Variants in SHOX observed in about 807,000 individuals in gnomAD.
The protein encoded by SHOX is short stature homeobox protein.
Under a neutral mutation model 29.6 loss-of-function variants are expected in SHOX, and 12 were observed. The ratio of observed to expected loss-of-function variants is 0.41; its 90% CI spans 0.26 to 0.66. The LOEUF is 0.66. Ranked by LOEUF, SHOX falls within the 30% of genes least tolerant of loss-of-function variation. The pLI is 0.35. For synonymous variants in SHOX, 214 were observed against 200.6 expected (o/e 1.07, Z -0.57); for missense variants, 499 against 437.7 (o/e 1.14, Z -1.25).
At chrX:659,143 T>C (rs1210461252) in exon 6 of SHOX, 2 of 152,812 alleles carry the variant, frequency 1.3e-5, no homozygotes, top group African/African-American at 4.8e-5. Flanking sequence ...TGGAGCACAC[T>C]GGTGCGATCA....
rs2053038940 is a variant in SHOX at position 650,568 on chromosome X, C to T, written c.*5932C>T. On this transcript the variant is annotated 3_prime_UTR_variant, in exon 5 of 5. Transcript: ENST00000686671. ...ATACCAGAGTCCTCTGTCCTCGCCTCTGGGTTTCATGCTGACCTTTCTAAC... is the reference window on the plus strand; with the variant it reads ...ATACCAGAGTCCTCTGTCCTCGCCTTTGGGTTTCATGCTGACCTTTCTAAC... Among the ~76,000 whole-genome samples, 1 of 151,830 alleles carries T rather than the reference C, an allele frequency of 6.6e-6. No individual in the cohort carries two copies. The highest frequency in any genetic ancestry group is 1.5e-5 in the Non-Finnish European group (1 of 68,002).
rs1459078284 is a variant in SHOX at position 646,167 on chromosome X, C to T, written c.*1531C>T. 1 of 152,120 alleles carries T rather than the reference C, an allele frequency of 6.6e-6. No homozygotes were observed. Among genetic ancestry groups the T allele is most frequent in the Non-Finnish European group, 1.5e-5 (1 of 68,066 alleles). The allele number at this position is 152,120 out of a possible 1,614,324, so 9.4% of individuals were successfully genotyped here. The stretch of plus-strand genomic sequence containing the variant: ...CCCGCCTCGGCCTCCCAACGTGCCC[C>T]CAGTTTTATAAACAGCAGATAGCAA... On this transcript the variant is annotated 3_prime_UTR_variant, in exon 5 of 5. Coordinates refer to ENST00000686671, the MANE Select transcript of SHOX (RefSeq NM_000451.4).
chrX:629,489 C>A (rs374888271), upstream of SHOX, among the ~76,000 whole-genome samples: 2 of 151,840 alleles, frequency 1.3e-5, no homozygotes, highest in South Asian at 2.1e-4. Flanking sequence ...TTGTCTCTCT[C>A]TTTCTCTCTC....
At position 630,829 on chromosome X, in the gene SHOX, C is replaced by T. The variant is rs2052633721; in HGVS notation, c.-69C>T. 6.3e-7 allele frequency: 1 copy of T among 1,586,606 alleles called. No individual in the cohort carries two copies. The highest frequency in any genetic ancestry group is 8.6e-7 in the Non-Finnish European group (1 of 1,158,620). ...CTGGTGATCCACCCGCGCGCACGGG[C>T]CGTCCTCTCCGCGCGGGGAGACGCG... On this transcript the variant is annotated 5_prime_UTR_variant, in exon 1 of 5. Transcript: ENST00000686671.
intron 2 of SHOX, among the ~76,000 whole-genome samples, chrX:639,353 G>A (rs2052809858): frequency 1.3e-5 from 2 of 152,130 alleles, no homozygotes; most frequent in Admixed American, 6.5e-5. Flanking sequence ...TGAATGGGAC[G>A]CCTTCAGCTC....
At chrX:634,158 C>G (rs948494504) in intron 1 of SHOX, among the ~76,000 whole-genome samples, 1 of 152,184 alleles carries the variant, frequency 6.6e-6, no homozygotes, top group African/African-American at 2.4e-5. Context: ...ACCCCCAGCC[C>G]TCCTGCGCTG....
At position 651,256 on chromosome X, in the gene SHOX, C is replaced by G. The variant is rs1294204121; in HGVS notation, c.*6620C>G. 2.2e-6 allele frequency: 1 copy of G among 454,502 alleles called. No homozygotes were observed. Among genetic ancestry groups the G allele is most frequent in the Non-Finnish European group, 4.4e-6 (1 of 226,128 alleles). The allele number at this position is 454,502 out of a possible 1,614,324, so 28.2% of individuals were successfully genotyped here. On this transcript the variant is annotated 3_prime_UTR_variant, in exon 5 of 5. Coordinates refer to ENST00000686671, the MANE Select transcript of SHOX (RefSeq NM_000451.4). The stretch of plus-strand genomic sequence containing the variant: ...CCCATTGACGACATAGCGGCCCCCG[C>G]GTCCGGGTTACAAATACATCTACAG...
At position 646,946 on chromosome X, in the gene SHOX, GA is replaced by G. The variant is rs936258709; in HGVS notation, c.*2311del. On this transcript the variant is annotated 3_prime_UTR_variant, in exon 5 of 5. Coordinates refer to ENST00000686671, the MANE Select transcript of SHOX (RefSeq NM_000451.4). ...GGTTGGTAAGATATGTACAGCCCTA[GA>G]TTTTTTTTTTTTAACCAAAAAGGCT... The G allele has an allele frequency of 8.5e-5, 9 of 106,426 alleles. No homozygotes were observed. The highest frequency in any genetic ancestry group is 9.3e-5 in the Non-Finnish European group (5 of 53,524). The allele number at this position is 106,426 out of a possible 1,614,324, so 6.6% of individuals were successfully genotyped here. A position where few individuals can be genotyped will look rare whatever the true frequency, so the allele number is the denominator to read the frequency against.
At chrX:652,945 A>T, downstream of SHOX, among the ~76,000 whole-genome samples, 1 of 152,184 alleles carries the variant, frequency 6.6e-6, no homozygotes, top group Non-Finnish European at 1.5e-5. Context: ...TGGTTAAACT[A>T]TTCAGCTTTG....
upstream of SHOX, among the ~76,000 whole-genome samples, chrX:627,736 G>C (rs2052563988): frequency 1.3e-5 from 2 of 152,158 alleles, no homozygotes; most frequent in Non-Finnish European, 2.9e-5. Flanking sequence ...GTAGAGCGGA[G>C]TTTCCTACTA....
intron 1 of SHOX, chrX:624,741 T>TTTCTTTCTTTC (rs1364686749): frequency 1.4e-5 from 1 of 69,664 alleles, no homozygotes; most frequent in Non-Finnish European, 3.1e-5. Context: ...TTCTTTCTTT[T>TTTCTTTCTTTC]CTTTCTTCCT....
intron 1 of SHOX, among the ~76,000 whole-genome samples, chrX:625,484 C>T (rs1342178358): frequency 6.6e-6 from 1 of 151,870 alleles, no homozygotes; most frequent in South Asian, 2.1e-4. Context: ...CTCTGTCTGT[C>T]TCTCTGTCCC....
chrX:639,629 C>T (rs1408679128), intron 2 of SHOX, among the ~76,000 whole-genome samples: 2 of 152,204 alleles, frequency 1.3e-5, no homozygotes, highest in African/African-American at 4.8e-5. Context: ...TCCACTGGCT[C>T]GGAACTCACT....
chrX:627,254 C>A (rs745557699), upstream of SHOX, among the ~76,000 whole-genome samples: 2 of 152,278 alleles, frequency 1.3e-5, no homozygotes, highest in South Asian at 4.1e-4. Flanking sequence ...TGCGGCCTCT[C>A]GGACAGCGTC....
At chrX:629,947 G>C (rs1333141452), upstream of SHOX, among the ~76,000 whole-genome samples, 1 of 152,162 alleles carries the variant, frequency 6.6e-6, no homozygotes, top group Non-Finnish European at 1.5e-5. Flanking sequence ...TTTTTCACCC[G>C]GTAAATACCC....
In SHOX at chrX:644,659, G is replaced by C; in HGVS notation, c.*23G>C. ...TGACCCGCCGCGCAGCCCCCCGCGC[G>C]CCCGGACTCCCGGGCTCCGCGCACC... is the stretch of plus-strand genomic sequence containing the variant. On this transcript the variant is annotated 3_prime_UTR_variant, in exon 5 of 5. Coordinates refer to ENST00000686671, the MANE Select transcript of SHOX (RefSeq NM_000451.4). 7.0e-7 allele frequency: 1 copy of C among 1,433,774 alleles called. No individual in the cohort carries two copies. Among genetic ancestry groups the C allele is most frequent in the South Asian group, 1.4e-5 (1 of 69,516 alleles). 88.8% of individuals were successfully genotyped at this position (1,433,774 alleles called of 1,614,324 possible).
In SHOX at chrX:636,384, TATATATATAA is replaced by T. The variant is rs1324813855; in HGVS notation, c.486+1570_486+1579del. Among the ~76,000 whole-genome samples, 4 of 70,074 alleles carry T rather than the reference TATATATATAA, an allele frequency of 5.7e-5. No homozygotes were observed. In the Admixed American group the frequency reaches 5.8e-4, roughly 10 times the overall value. 46.0% of individuals were successfully genotyped at this position (70,074 alleles called of 152,430 possible). On this transcript the variant is annotated intron_variant, in intron 2 of 4. Transcript: ENST00000686671. Reference sequence around the variant, plus strand: ...TATATAAATATATACAAACATATTGTATATATATAAATATATATAAAAACATATATATACA... The same window carrying T: ...TATATAAATATATACAAACATATTGTATATATATAAAAACATATATATACA...
At chrX:654,419 G>A (rs1366423268), downstream of SHOX, among the ~76,000 whole-genome samples, 1 of 151,802 alleles carries the variant, frequency 6.6e-6, no homozygotes, top group African/African-American at 2.4e-5. Flanking sequence ...AACACATAAG[G>A]ACTTGCATAA....
At chrX:653,196 G>A (rs987632000), downstream of SHOX, among the ~76,000 whole-genome samples, 1 of 152,108 alleles carries the variant, frequency 6.6e-6, no homozygotes, top group Non-Finnish European at 1.5e-5. Flanking sequence ...AGCCGAGATC[G>A]CGCCATTGCA....
Sources: allele counts gnomAD v4.1 joint callset (sites outside exome capture counted in the v4.1 genomes callset), GRCh38; gene constraint gnomAD v4.1.1; transcripts MANE v1.5; gene names NCBI Gene and HGNC (gene_info 2026-07-23, HGNC 2026-07-21).